The following PLXNA1 variants were observed in gnomAD, a reference collection of about 807,000 sequenced individuals.
The protein encoded by PLXNA1 is plexin-A1.
PLXNA1 carries 77 observed loss-of-function variants against 191.7 expected under a neutral mutation model. The ratio of observed to expected loss-of-function variants is 0.40; its 90% CI spans 0.33 to 0.49. The LOEUF is 0.49. Ranked by LOEUF, PLXNA1 falls within the 20% of genes least tolerant of loss-of-function variation. PLXNA1 has a pLI of 0.63. For synonymous variants in PLXNA1, 1,137 were observed against 1,156.4 expected (o/e 0.98, Z 0.34); for missense variants, 2,110 against 2,660.2 (o/e 0.79, Z 4.55).
chr3:127,029,783 G>A, intron 27 of PLXNA1, 91 bp from the exon 28 acceptor site: 2 of 1,391,306 alleles, frequency 1.4e-6, no homozygotes, highest in East Asian at 2.5e-5. Flanking sequence ...ATGGGTGGGG[G>A]TGCCATCCCC....
At chr3:127,004,133 G>A (rs2079053993) in intron 4 of PLXNA1, among the ~76,000 whole-genome samples, 1 of 152,238 alleles carries the variant, frequency 6.6e-6, no homozygotes, top group Non-Finnish European at 1.5e-5. Flanking sequence ...GGCGCAGTGG[G>A]GTTCTGCCTT....
intron 7 of PLXNA1, 64 bp downstream of exon 7, chr3:127,005,307 C>T (rs1033537516): frequency 1.2e-4 from 181 of 1,527,696 alleles, no homozygotes; most frequent in African/African-American, 4.2e-4. Flanking sequence ...ATCCAGTTGC[C>T]GCCTGTTTAG....
chr3:127,034,403 T>A lies in PLXNA1; in HGVS notation c.*386T>A. 1.1e-5 allele frequency: 2 copies of A among 175,018 alleles called. No homozygotes were observed. Among genetic ancestry groups the A allele is most frequent in the Non-Finnish European group, 1.2e-5 (1 of 83,186 alleles). The allele number at this position is 175,018 out of a possible 1,614,324, so 10.8% of individuals were successfully genotyped here. ...GGGTAGCCAGCTTGGGCTGTCCCCT[T>A]GAGACCAGGACAAGAGGCTGGGGGT... On this transcript the variant is annotated 3_prime_UTR_variant, in exon 32 of 32. Coordinates refer to ENST00000393409, the MANE Select transcript of PLXNA1 (RefSeq NM_032242.4).
At chr3:127,014,931 T>G in intron 14 of PLXNA1, 100 bp downstream of exon 14, 1 of 1,504,354 alleles carries the variant, frequency 6.6e-7, no homozygotes, top group Admixed American at 2.0e-5. Flanking sequence ...CTGGCCATGC[T>G]CTGCCACTGC....
chr3:127,022,380 C>G, intron 22 of PLXNA1, 39 bp downstream of exon 22: 1 of 1,594,004 alleles, frequency 6.3e-7, no homozygotes, highest in Non-Finnish European at 8.6e-7. Flanking sequence ...GAGGCAGGCC[C>G]ATGCCTCCAG....
At chr3:126,984,815 C>T (rs2078949482) in intron 1 of PLXNA1, among the ~76,000 whole-genome samples, 1 of 152,202 alleles carries the variant, frequency 6.6e-6, no homozygotes, top group Admixed American at 6.5e-5. Context: ...CCAGGAAAGC[C>T]CCCGTGCACA....
At chr3:127,016,402 C>T (rs981896776) in intron 15 of PLXNA1, 115 bp from the exon 16 acceptor site, 3 of 897,300 alleles carry the variant, frequency 3.3e-6, no homozygotes, top group South Asian at 1.5e-5. Context: ...ATGCAGCCAC[C>T]CAAGGCAGTA....
At position 126,988,721 on chromosome 3, in the gene PLXNA1, C is replaced by G. The variant is rs546942473; in HGVS notation, c.128C>G (p.Thr43Ser). Residue 43 changes from threonine to serine, a missense_variant, in exon 2 of 32, where the codon ACC (threonine) becomes AGC (serine). This residue lies in a region of PLXNA1 where 903 missense variants were observed against 1,015.7 expected (regional missense o/e 0.89). Transcript: ENST00000393409. ...GGGGGTTCACAGCCCCCCTTCCGCA[C>G]CTTCTCGGCCAGCGACTGGGGCCTC... is the stretch of plus-strand genomic sequence containing the variant. ...AGGGSQPPFRTFSASDWGLTH... is the reference protein window; with the variant it reads ...AGGGSQPPFRSFSASDWGLTH... 6 of 1,578,588 alleles carry G rather than the reference C, an allele frequency of 3.8e-6. No individual in the cohort carries two copies. In the South Asian group the frequency reaches 7.1e-5, roughly 19 times the overall value.
At chr3:127,011,750 T>G (rs1246269674) in intron 9 of PLXNA1, among the ~76,000 whole-genome samples, 2 of 152,184 alleles carry the variant, frequency 1.3e-5, no homozygotes, top group African/African-American at 2.4e-5. Context: ...GGCAGGGCAT[T>G]CAGGGGCCAG....
chr3:127,018,735 G>A (rs376079399), intron 20 of PLXNA1, among the ~76,000 whole-genome samples: 1 of 152,244 alleles, frequency 6.6e-6, no homozygotes, highest in South Asian at 2.1e-4. Flanking sequence ...CCACCTCCTT[G>A]GGGTGCTGCT....
rs545061086 is a variant in PLXNA1, at chr3:127,029,414, C to T, written c.4774-26C>T. 20 of 1,609,436 alleles carry T rather than the reference C, an allele frequency of 1.2e-5. No individual in the cohort carries two copies. The East Asian group carries it at 4.5e-4, about 36-fold the overall frequency. On this transcript the variant is annotated intron_variant, in intron 26 of 31. Coordinates refer to ENST00000393409, the MANE Select transcript of PLXNA1 (RefSeq NM_032242.4). ...GGTGCAGGGGCACCCTGGTGGGTCA[C>T]AGGGTCCCTGGCCCTCTGCCCACAG...
rs767172719 is a variant in PLXNA1 at position 127,029,041 on chromosome 3, T to C, written c.4718T>C (p.Val1573Ala). ...MARIILQDED[V>A]TTKIDNDWKR... ...CGCATCATCCTGCAGGACGAGGACG[T>C]CACCACCAAGATTGACAACGATTGG... is the stretch of plus-strand genomic sequence containing the variant. The change falls in exon 26 of 32, where the codon GTC becomes GCC. Residue 1573 changes from valine to alanine, a missense_variant. Val to Ala is a moderately conservative substitution (Grantham distance 64). Transcript: ENST00000393409. 5 of 1,613,668 alleles carry C rather than the reference T, an allele frequency of 3.1e-6. No individual in the cohort carries two copies. The South Asian group carries it at 4.4e-5, about 14-fold the overall frequency.
Position 127,034,310 on chromosome 3 carries a change from TGGCCTTCATGGGA to T in PLXNA1, c.*295_*307del. ...TCATTGCCTGGCAAGAGCTGCCCAG[TGGCCTTCATGGGA>T]GAAGGGCTGACCTCTGAGGGGCTGA... On this transcript the variant is annotated 3_prime_UTR_variant, in exon 32 of 32. Transcript: ENST00000393409. 1 of 333,986 alleles carries T rather than the reference TGGCCTTCATGGGA, an allele frequency of 3.0e-6. No homozygotes were observed. The highest frequency in any genetic ancestry group is 5.5e-6 in the Non-Finnish European group (1 of 181,516). The allele number at this position is 333,986 out of a possible 1,614,324, so 20.7% of individuals were successfully genotyped here.
chr3:127,016,569 A>C lies in PLXNA1; in HGVS notation c.3067A>C (p.Ser1023Arg), dbSNP rs747536476. Residue 1023 changes from serine (S) to arginine (R), a missense_variant, in exon 16 of 32, where the codon AGC becomes CGC. Ser to Arg is a moderately radical substitution (Grantham distance 110). Transcript: ENST00000393409. The stretch of plus-strand genomic sequence containing the variant: ...GACACCCCCCGGGCAGAGCCCTGGC[A>C]GCGCTCCCATCATCATCAACATCAA... Reference protein sequence around the residue: ...CLTPPGQSPGSAPIIININRA... With the variant: ...CLTPPGQSPGRAPIIININRA... 2.5e-6 allele frequency: 4 copies of C among 1,613,942 alleles called. No homozygotes were observed. The highest frequency in any genetic ancestry group is 2.2e-5 in the East Asian group (1 of 44,880).
chr3:126,994,751 G>A (rs2079006968), intron 3 of PLXNA1, among the ~76,000 whole-genome samples: 1 of 152,090 alleles, frequency 6.6e-6, no homozygotes, highest in South Asian at 2.1e-4. Flanking sequence ...TGTGGTCCAG[G>A]GTCCAGAGCC....
chr3:127,022,873 A>G (rs2079158657), intron 23 of PLXNA1, 55 bp downstream of exon 23: 2 of 1,439,980 alleles, frequency 1.4e-6, no homozygotes, highest in South Asian at 2.3e-5. Flanking sequence ...GCGGGAGGGG[A>G]AAACGGAGAG....
chr3:127,015,822 G>A (rs1269467550), intron 15 of PLXNA1, among the ~76,000 whole-genome samples: 6 of 152,150 alleles, frequency 3.9e-5, no homozygotes, highest in Admixed American at 2.0e-4. Flanking sequence ...CTGAGGGTCC[G>A]GACCCAGGTG....
chr3:127,019,976 C>T (rs951555608), intron 20 of PLXNA1, among the ~76,000 whole-genome samples: 12 of 152,220 alleles, frequency 7.9e-5, no homozygotes, highest in African/African-American at 2.7e-4. Context: ...GATGCTTTCT[C>T]TGCCCTTGTC....
chr3:126,985,547 C>G (rs1312989026), intron 1 of PLXNA1, among the ~76,000 whole-genome samples: 2 of 152,028 alleles, frequency 1.3e-5, no homozygotes, highest in East Asian at 3.9e-4. Flanking sequence ...CCCAGGCTAC[C>G]TGGTCCTCTC....
Sources: allele counts gnomAD v4.1 joint callset (sites outside exome capture counted in the v4.1 genomes callset), GRCh38; gene constraint gnomAD v4.1.1; regional missense constraint gnomAD v4.1.1; transcripts MANE v1.5; gene names NCBI Gene and HGNC (gene_info 2026-07-23, HGNC 2026-07-21).